The following PTK2 variants were observed in gnomAD, a reference collection of about 807,000 sequenced individuals.
PTK2 encodes protein tyrosine kinase 2, also known as focal adhesion kinase 1.
In PTK2, 45 loss-of-function variants were observed where a neutral mutation model predicts 150.1. That is an observed-to-expected ratio of 0.30 (90% CI 0.24 to 0.38). The LOEUF is 0.38. PTK2 is among the 10% of genes least tolerant of loss of function. The probability of loss-of-function intolerance (pLI) is 1.00; values close to 1 mark genes in which losing one functional copy is unlikely to be tolerated. For missense variants in PTK2, 919 were observed against 1,307.3 expected (o/e 0.70, Z 4.58); for synonymous variants, 432 against 449.2 (o/e 0.96, Z 0.48).
intron 1 of PTK2, among the ~76,000 whole-genome samples, chr8:140,985,607 C>T (rs145522071): frequency 3.8e-4 from 58 of 152,308 alleles, no homozygotes; most frequent in African/African-American, 1.3e-3. Context: ...AATTCCTCTC[C>T]CCACCTGGCT....
rs576419389 is a variant in PTK2, at chr8:140,763,714, T to C, written c.1234+520A>G. On this transcript the variant is annotated intron_variant, in intron 15 of 31. Coordinates refer to ENST00000522684, the Ensembl canonical transcript of PTK2. ...TTTCTCTCCCCACACCTCCCATCCC[T>C]GAGGTGTACAAACTGACGATGGTTA... 1.8e-3 allele frequency among the ~76,000 whole-genome samples: 278 copies of C among 152,170 alleles called. 1 individual carries two copies. The highest frequency in any genetic ancestry group is 2.6e-3 in the Non-Finnish European group (178 of 68,012).
At chr8:140,972,065 A>G (rs1040727521) in intron 1 of PTK2, among the ~76,000 whole-genome samples, 1 of 152,218 alleles carries the variant, frequency 6.6e-6, no homozygotes, top group Non-Finnish European at 1.5e-5. Context: ...TTTTTCAAAG[A>G]TAAAATATGT....
chr8:140,921,405 T>C (rs1297544334), intron 2 of PTK2, among the ~76,000 whole-genome samples: 1 of 152,230 alleles, frequency 6.6e-6, no homozygotes, highest in Non-Finnish European at 1.5e-5. Context: ...ACCCAGATCA[T>C]GTCTGTAGAT....
intron 2 of PTK2, among the ~76,000 whole-genome samples, chr8:140,902,218 A>C (rs201562635): frequency 6.6e-6 from 1 of 151,774 alleles, no homozygotes. Flanking sequence ...ATTTTTAGTA[A>C]AGATGGGGTT....
intron 1 of PTK2, among the ~76,000 whole-genome samples, chr8:140,983,161 C>T (rs1258485013): frequency 1.3e-5 from 2 of 151,874 alleles, no homozygotes; most frequent in Non-Finnish European, 2.9e-5. Flanking sequence ...CCAAGGCAGG[C>T]GGATCTTCTG....
At chr8:140,857,919 G>C (rs1397052609) in intron 5 of PTK2, among the ~76,000 whole-genome samples, 2 of 152,152 alleles carry the variant, frequency 1.3e-5, no homozygotes, top group East Asian at 3.8e-4. Context: ...AAGGAAAAAA[G>C]TCACTGTGAA....
chr8:140,900,614 C>G (rs146000841), intron 2 of PTK2, among the ~76,000 whole-genome samples: 2 of 151,884 alleles, frequency 1.3e-5, no homozygotes, highest in East Asian at 3.9e-4. Flanking sequence ...CCCAGCTACT[C>G]GAGAAGCTGA....
chr8:140,796,801 G>A lies in PTK2; in HGVS notation c.1094-3417C>T, dbSNP rs550559083. Among the ~76,000 whole-genome samples, 103 of 152,256 alleles carry A rather than the reference G, an allele frequency of 6.8e-4. 1 individual carries two copies. Among genetic ancestry groups the A allele is most frequent in the South Asian group, 5.8e-3 (28 of 4,828 alleles). On this transcript the variant is annotated intron_variant, in intron 12 of 31. Transcript: ENST00000522684. ...ATGTACTTCCATTCTTCTTAGAAGT[G>A]TTCATTAACTGAAATTGGTGACTTA...
intron 23 of PTK2, among the ~76,000 whole-genome samples, chr8:140,711,754 T>C (rs747970435): frequency 6.6e-6 from 1 of 152,236 alleles, no homozygotes; most frequent in Non-Finnish European, 1.5e-5. Context: ...AGGATCTGGC[T>C]ATGCCACCGT....
At chr8:140,862,399 C>T (rs996284695) in intron 5 of PTK2, among the ~76,000 whole-genome samples, 3 of 152,070 alleles carry the variant, frequency 2.0e-5, no homozygotes, top group East Asian at 1.9e-4. Flanking sequence ...ACATGAGAAC[C>T]AGTCTGTAAG....
Position 140,670,485 on chromosome 8 carries a change from AACAACACACACACACACACAC to A in PTK2, c.2710-2082_2710-2062del, listed in dbSNP as rs1195378367. Among the ~76,000 whole-genome samples the A allele has an allele frequency of 7.6e-4, 28 of 36,970 alleles. 2 individuals carry two copies. The highest frequency in any genetic ancestry group is 0.014 in the Middle Eastern group (1 of 74). 24.3% of individuals were successfully genotyped at this position (36,970 alleles called of 152,430 possible). A position where few individuals can be genotyped will look rare whatever the true frequency, so the allele number is the denominator to read the frequency against. On this transcript the variant is annotated intron_variant, in intron 29 of 31. Transcript: ENST00000522684. The stretch of plus-strand genomic sequence containing the variant: ...AAAAAAAAAAAAAAAAAAAAAAAAC[AACAACACACACACACACACAC>A]ACACACACACACACACACACACACA...
chr8:140,808,374 G>C (rs185157653), intron 10 of PTK2, among the ~76,000 whole-genome samples: 48 of 152,244 alleles, frequency 3.2e-4, no homozygotes, highest in Non-Finnish European at 6.3e-4. Flanking sequence ...GCAGTGCAAG[G>C]AATCTTCTGG....
intron 10 of PTK2, among the ~76,000 whole-genome samples, chr8:140,814,903 T>C (rs1156516900): frequency 6.6e-6 from 1 of 151,966 alleles, no homozygotes; most frequent in Non-Finnish European, 1.5e-5. Flanking sequence ...GCCTCCTGAG[T>C]AGCTGGGACT....
At chr8:140,997,844 T>C (rs1451182628) in intron 1 of PTK2, among the ~76,000 whole-genome samples, 1 of 152,058 alleles carries the variant, frequency 6.6e-6, no homozygotes, top group Admixed American at 6.6e-5. Flanking sequence ...GAGGCTGAGG[T>C]GGGAGGATCA....
intron 5 of PTK2, among the ~76,000 whole-genome samples, chr8:140,847,759 T>C (rs1325996312): frequency 6.6e-6 from 1 of 152,204 alleles, no homozygotes; most frequent in Non-Finnish European, 1.5e-5. Flanking sequence ...ACCCTTTATA[T>C]AAAAAGTGTC....
At chr8:140,848,081 C>T (rs1200163192) in intron 5 of PTK2, among the ~76,000 whole-genome samples, 1 of 152,206 alleles carries the variant, frequency 6.6e-6, no homozygotes, top group Non-Finnish European at 1.5e-5. Flanking sequence ...CCACTTTCAA[C>T]TCATGAAGAC....
intron 7 of PTK2, among the ~76,000 whole-genome samples, chr8:140,835,466 G>T (rs1359210116): frequency 1.3e-5 from 2 of 152,100 alleles, no homozygotes; most frequent in Non-Finnish European, 2.9e-5. Context: ...TGTCAGAATT[G>T]AGTATATTTA....
chr8:140,729,767 T>A (rs1003314731), intron 22 of PTK2, among the ~76,000 whole-genome samples: 1 of 152,204 alleles, frequency 6.6e-6, no homozygotes, highest in African/African-American at 2.4e-5. Flanking sequence ...CCAATAAACA[T>A]CAAGGCAGTC....
At chr8:140,926,998 T>C (rs2100169691) in intron 1 of PTK2, among the ~76,000 whole-genome samples, 1 of 152,222 alleles carries the variant, frequency 6.6e-6, no homozygotes, top group African/African-American at 2.4e-5. Flanking sequence ...GCTGAGAGGT[T>C]AACTGCTGTA....
Sources: gnomAD v4.1 joint callset for allele counts (sites outside exome capture counted in the v4.1 genomes callset) on GRCh38, gnomAD v4.1.1 for gene constraint, MANE v1.5 for transcripts, NCBI Gene and HGNC (gene_info 2026-07-23, HGNC 2026-07-21) for gene names.